Variants in WBP1L observed in about 807,000 individuals in gnomAD.
WBP1L encodes the protein WW domain binding protein 1 like.
WBP1L carries 17 observed loss-of-function variants against 33.7 expected under a neutral mutation model. That is an observed-to-expected ratio of 0.50 (90% CI 0.34 to 0.76). WBP1L has a LOEUF of 0.76. Among genes scored for constraint, WBP1L ranks in the 30% least tolerant of loss-of-function variants. The pLI is 0.01. For missense variants in WBP1L, 389 were observed against 469.4 expected (o/e 0.83, Z 1.58); for synonymous variants, 173 against 190.8 (o/e 0.91, Z 0.77).
intron 1 of WBP1L, among the ~76,000 whole-genome samples, chr10:102,772,618 G>A (rs1843206175): frequency 7.7e-6 from 1 of 130,138 alleles, no homozygotes; most frequent in African/African-American, 3.0e-5. Context: ...CGCTCAGGCT[G>A]GAGTGCAGTG....
At chr10:102,781,797 A>G in intron 1 of WBP1L, among the ~76,000 whole-genome samples, 1 of 145,574 alleles carries the variant, frequency 6.9e-6, no homozygotes, top group Non-Finnish European at 1.5e-5. Flanking sequence ...TCCACAGAAC[A>G]CCTCATTTCC....
chr10:102,764,803 TGAG>T (rs1843087893), intron 1 of WBP1L, among the ~76,000 whole-genome samples: 1 of 152,148 alleles, frequency 6.6e-6, no homozygotes, highest in South Asian at 2.1e-4. Context: ...ATCCAGGAAA[TGAG>T]GAAAGGCACG....
chr10:102,816,162 T>G lies in WBP1L; in HGVS notation c.*2831T>G, dbSNP rs527741917. 3.3e-5 allele frequency: 5 copies of G among 152,772 alleles called. No individual in the cohort carries two copies. The East Asian group carries it at 9.6e-4, about 29-fold the overall frequency. 9.5% of individuals were successfully genotyped at this position (152,772 alleles called of 1,614,324 possible). On this transcript the variant is annotated 3_prime_UTR_variant, in exon 4 of 4. Coordinates refer to ENST00000448841, the MANE Select transcript of WBP1L (RefSeq NM_001083913.2). ...AATAAGATTCAGCTGGTCAGACTTTTCTGGGCAGTCTCAGTGACGCATTTC... is the reference window on the plus strand; with the variant it reads ...AATAAGATTCAGCTGGTCAGACTTTGCTGGGCAGTCTCAGTGACGCATTTC...
chr10:102,796,320 T>C (rs1170746078), intron 1 of WBP1L, among the ~76,000 whole-genome samples: 1 of 152,190 alleles, frequency 6.6e-6, no homozygotes, highest in Non-Finnish European at 1.5e-5. Context: ...GTAAAGTTTT[T>C]AAGACCAAGA....
At chr10:102,799,308 A>G (rs1027653745) in intron 2 of WBP1L, among the ~76,000 whole-genome samples, 7 of 152,126 alleles carry the variant, frequency 4.6e-5, no homozygotes, top group African/African-American at 1.7e-4. Context: ...CCTGGGCAAC[A>G]GAGCGAGGCT....
chr10:102,784,814 G>A (rs970196992), intron 1 of WBP1L, among the ~76,000 whole-genome samples: 2 of 151,680 alleles, frequency 1.3e-5, no homozygotes, highest in Non-Finnish European at 2.9e-5. Context: ...TCCCACTTCA[G>A]CCTCCCAAAG....
chr10:102,776,936 G>A (rs956443778), intron 1 of WBP1L, among the ~76,000 whole-genome samples: 3 of 152,010 alleles, frequency 2.0e-5, no homozygotes, highest in Non-Finnish European at 4.4e-5. Flanking sequence ...GGACGTTCCC[G>A]ACGCCTCAGG....
chr10:102,778,709 T>A (rs1297736263), intron 1 of WBP1L, among the ~76,000 whole-genome samples: 1 of 152,242 alleles, frequency 6.6e-6, no homozygotes, highest in Non-Finnish European at 1.5e-5. Context: ...TCAGACAGTG[T>A]AACTATGTTC....
intron 1 of WBP1L, among the ~76,000 whole-genome samples, chr10:102,777,014 G>A (rs4147155): frequency 0.23 from 34,904 of 151,980 alleles, 4,750 homozygotes; most frequent in East Asian, 0.49. Flanking sequence ...CCCTGTGGCA[G>A]AGACTTGATT....
At chr10:102,751,095 G>T (rs1371957333) in intron 1 of WBP1L, among the ~76,000 whole-genome samples, 1 of 149,672 alleles carries the variant, frequency 6.7e-6, no homozygotes, top group African/African-American at 2.5e-5. Context: ...CTGCCTCCTG[G>T]GTTCAAGTGA....
intron 2 of WBP1L, among the ~76,000 whole-genome samples, chr10:102,802,073 A>C (rs1277949300): frequency 1.7e-5 from 1 of 58,750 alleles, no homozygotes; most frequent in African/African-American, 7.1e-5. Context: ...CCCTTCCCCC[A>C]GCCTTTCCCT....
chr10:102,803,179 G>A (rs747555948), intron 2 of WBP1L, among the ~76,000 whole-genome samples: 69 of 152,312 alleles, frequency 4.5e-4, no homozygotes, highest in Admixed American at 1.6e-3. Flanking sequence ...AGTCTCTGAC[G>A]TCTTCATTTC....
intron 1 of WBP1L, among the ~76,000 whole-genome samples, chr10:102,751,429 C>T (rs1370542430): frequency 6.6e-6 from 1 of 151,752 alleles, no homozygotes; most frequent in African/African-American, 2.4e-5. Context: ...CCTATCTCAG[C>T]CCTCCTAGTA....
intron 1 of WBP1L, among the ~76,000 whole-genome samples, chr10:102,757,880 C>CG (rs1366983915): frequency 5.5e-5 from 3 of 54,872 alleles, no homozygotes; most frequent in Admixed American, 1.9e-4. Flanking sequence ...CTGCCCTCCC[C>CG]CCCCCCCTTT....
Position 102,805,774 on chromosome 10 carries a change from C to G in WBP1L, c.194-4119C>G, listed in dbSNP as rs150978145. 8.7e-3 allele frequency among the ~76,000 whole-genome samples: 1,321 copies of G among 151,474 alleles called. 18 individuals are homozygous for G. The highest frequency in any genetic ancestry group is 0.029 in the African/African-American group (1,205 of 41,252). On this transcript the variant is annotated intron_variant, in intron 2 of 3. Transcript: ENST00000448841. ...TTAGTGGGGTGTGGTGGTGCATGCC[C>G]GTAGTCCCAGCTACTCAGGAGGCCA...
In WBP1L at chr10:102,750,829, A is replaced by G. The variant is rs141640840; in HGVS notation, c.90+6686A>G. 3.6e-3 allele frequency among the ~76,000 whole-genome samples: 546 copies of G among 152,104 alleles called. 1 individual carries two copies. The highest frequency in any genetic ancestry group is 0.013 in the African/African-American group (519 of 41,486). On this transcript the variant is annotated intron_variant, in intron 1 of 3. Transcript: ENST00000448841. ...TTTTAGCATATTTTCTTTACCCCAG[A>G]AAGAAACCCCATAGCCATTAGCAGT... is the stretch of plus-strand genomic sequence containing the variant.
chr10:102,756,225 A>G (rs972296086), intron 1 of WBP1L, among the ~76,000 whole-genome samples: 15 of 152,178 alleles, frequency 9.9e-5, no homozygotes, highest in Non-Finnish European at 2.1e-4. Context: ...AGCCTGGCCA[A>G]CATGTGAAAC....
In WBP1L at chr10:102,812,913, G is replaced by C. The variant is rs1843866747; in HGVS notation, c.674G>C (p.Gly225Ala). Residue 225 changes from glycine (G) to alanine (A), a missense_variant, in exon 4 of 4, where the codon GGG (glycine) becomes GCG (alanine). Coordinates refer to ENST00000448841, the MANE Select transcript of WBP1L (RefSeq NM_001083913.2). ...CCCAGTGGCTCTGTGGCTGGCCTGG[G>C]GGAGCTGGACCCGGGGGCCTTCCTG... Reference protein sequence around the residue: ...MEPSGSVAGLGELDPGAFLDK... With the variant: ...MEPSGSVAGLAELDPGAFLDK... 1.3e-6 allele frequency: 2 copies of C among 1,584,468 alleles called. No individual in the cohort carries two copies. Among genetic ancestry groups the C allele is most frequent in the Non-Finnish European group, 1.7e-6 (2 of 1,162,844 alleles).
At chr10:102,779,311 C>A (rs1843306388) in intron 1 of WBP1L, among the ~76,000 whole-genome samples, 1 of 150,032 alleles carries the variant, frequency 6.7e-6, no homozygotes, top group Non-Finnish European at 1.5e-5. Context: ...AAAAAAAAAT[C>A]ATTCTTGTTG....
Sources: gnomAD v4.1 joint callset for allele counts (sites outside exome capture counted in the v4.1 genomes callset) on GRCh38, gnomAD v4.1.1 for gene constraint, MANE v1.5 for transcripts, NCBI Gene and HGNC (gene_info 2026-07-23, HGNC 2026-07-21) for gene names.